Variants in AXDND1 observed in about 807,000 individuals in gnomAD.
AXDND1 encodes the protein axonemal dynein light chain domain-containing protein 1.
Under a neutral mutation model 137.5 loss-of-function variants are expected in AXDND1, and 110 were observed. That is an observed-to-expected ratio of 0.80 (90% CI 0.69 to 0.94). The LOEUF (loss-of-function observed/expected upper bound fraction) is 0.94. AXDND1 is among the 40% of genes least tolerant of loss of function. The pLI is 0.00. For synonymous variants in AXDND1, 414 were observed against 399.7 expected, an observed-to-expected ratio of 1.04 and a Z score of -0.43; for missense variants, 1,191 against 1,169.8, an observed-to-expected ratio of 1.02 and a Z score of -0.26.
At chr1:179,408,629 G>A (rs72717580) in intron 11 of AXDND1, among the ~76,000 whole-genome samples, 6,946 of 152,072 alleles carry the variant, frequency 0.046, 233 homozygotes, top group Non-Finnish European at 0.069. Flanking sequence ...ATCCCACCTC[G>A]GCCTCCCAAA....
intron 18 of AXDND1, among the ~76,000 whole-genome samples, chr1:179,486,197 A>G (rs890113003): frequency 2.6e-5 from 4 of 151,772 alleles, no homozygotes; most frequent in Non-Finnish European, 5.9e-5. Context: ...TGCAAGTATT[A>G]ACAGCAGAAT....
rs149119239 is a variant in AXDND1 at position 179,486,139 on chromosome 1, A to AAAAAAAAAAAAAAAAAAAAAAAAACT, written c.2091+2920_2091+2921insAAAAAAAAAAAAAAAAAAAAAACTAA. 1.6e-3 allele frequency among the ~76,000 whole-genome samples: 143 copies of AAAAAAAAAAAAAAAAAAAAAAAAACT among 87,722 alleles called. 15 individuals are homozygous for AAAAAAAAAAAAAAAAAAAAAAAAACT. The highest frequency in any genetic ancestry group is 4.7e-3 in the East Asian group (8 of 1,704). 57.5% of individuals were successfully genotyped at this position (87,722 alleles called of 152,430 possible). ...TGTCTCAAAAAAAAAAAAAAAAAAA[A>AAAAAAAAAAAAAAAAAAAAAAAAACT]AACCTGATAGAAATGAAAAACACAC... On this transcript the variant is annotated intron_variant, in intron 18 of 25. Transcript: ENST00000367618.
chr1:179,531,665 C>G (rs1016311322), intron 23 of AXDND1, among the ~76,000 whole-genome samples: 2 of 152,042 alleles, frequency 1.3e-5, no homozygotes, highest in Non-Finnish European at 2.9e-5. Context: ...ATAGGAGCAC[C>G]CAGTCCAACT....
chr1:179,470,227 T>G (rs1159298405), intron 17 of AXDND1, among the ~76,000 whole-genome samples: 1 of 152,192 alleles, frequency 6.6e-6, no homozygotes, highest in Non-Finnish European at 1.5e-5. Context: ...GTAGAATGTT[T>G]TGAAAAGGAA....
At position 179,516,364 on chromosome 1, in the gene AXDND1, A is replaced by G. The variant is rs143321135; in HGVS notation, c.2496+6961A>G. ...TATTTCTCCCTTTCCTTCTTGTATC[A>G]TTTTTTTGGATTTCCTTGCATTGGG... On this transcript the variant is annotated intron_variant, in intron 21 of 25. Transcript: ENST00000367618. Among the ~76,000 whole-genome samples the G allele has an allele frequency of 8.7e-3, 1,318 of 151,644 alleles. 40 individuals are homozygous for G. The highest frequency in any genetic ancestry group is 0.056 in the Admixed American group (850 of 15,220).
At chr1:179,539,489 C>A (rs988383305) in intron 25 of AXDND1, among the ~76,000 whole-genome samples, 4 of 152,184 alleles carry the variant, frequency 2.6e-5, no homozygotes, top group Admixed American at 6.5e-5. Context: ...GTTGAAAATT[C>A]TTTTCTTTAA....
At chr1:179,507,920 T>C (rs560109820) in intron 20 of AXDND1, among the ~76,000 whole-genome samples, 1 of 152,352 alleles carries the variant, frequency 6.6e-6, no homozygotes, top group Non-Finnish European at 1.5e-5. Flanking sequence ...TCTAACCCTC[T>C]GAATCCAGAA....
chr1:179,505,105 A>T (rs1457563151), intron 20 of AXDND1, among the ~76,000 whole-genome samples: 1 of 134,630 alleles, frequency 7.4e-6, no homozygotes, highest in Non-Finnish European at 1.7e-5. Context: ...CCTCTATGGT[A>T]CATGAATCTT....
intron 17 of AXDND1, among the ~76,000 whole-genome samples, chr1:179,482,721 G>T (rs897234661): frequency 6.6e-6 from 1 of 151,900 alleles, no homozygotes; most frequent in African/African-American, 2.4e-5. Flanking sequence ...ATTGTTACCA[G>T]TTTCGGGGGT....
At chr1:179,518,765 G>C (rs868236540) in intron 21 of AXDND1, among the ~76,000 whole-genome samples, 48 of 151,958 alleles carry the variant, frequency 3.2e-4, no homozygotes, top group African/African-American at 1.0e-3. Context: ...TATATGTACT[G>C]CATTTTCTTT....
chr1:179,385,409 G>C (rs755153551), intron 9 of AXDND1, 50 bp downstream of exon 9: 3 of 1,604,978 alleles, frequency 1.9e-6, no homozygotes, highest in Non-Finnish European at 1.7e-6. Flanking sequence ...TTTTATATTA[G>C]ATTTGTCTTT....
At position 179,370,142 on chromosome 1, in the gene AXDND1, T is replaced by G. The variant is rs1213022265; in HGVS notation, c.374+64T>G. 12 of 1,310,618 alleles carry G rather than the reference T, an allele frequency of 9.2e-6. 1 individual carries two copies. In the Admixed American group the frequency reaches 1.2e-4, roughly 13 times the overall value. 81.2% of individuals were successfully genotyped at this position (1,310,618 alleles called of 1,614,324 possible). A position where few individuals can be genotyped will look rare whatever the true frequency, so the allele number is the denominator to read the frequency against. On this transcript the variant is annotated intron_variant, in intron 4 of 25. Coordinates refer to ENST00000367618, the MANE Select transcript of AXDND1 (RefSeq NM_144696.6). The stretch of plus-strand genomic sequence containing the variant: ...GAGTTGTTTTCTCATTTTGAATGAT[T>G]ACCTTGGGAGGGGCAGAATTAGAAA...
At chr1:179,515,544 C>T (rs1240420418) in intron 21 of AXDND1, among the ~76,000 whole-genome samples, 1 of 152,048 alleles carries the variant, frequency 6.6e-6, no homozygotes, top group Non-Finnish European at 1.5e-5. Flanking sequence ...CTGATGACAA[C>T]GTGCCTAGGT....
chr1:179,552,930 G>A (rs1673535201), intron 25 of AXDND1, among the ~76,000 whole-genome samples: 1 of 152,216 alleles, frequency 6.6e-6, no homozygotes, highest in Non-Finnish European at 1.5e-5. Context: ...CAGCACAGCA[G>A]GTTTTGTATT....
At chr1:179,469,837 T>C (rs879540478) in intron 17 of AXDND1, among the ~76,000 whole-genome samples, 3 of 152,198 alleles carry the variant, frequency 2.0e-5, no homozygotes, top group Non-Finnish European at 4.4e-5. Context: ...TTGAGGGAAA[T>C]TTTTTCTGTG....
At chr1:179,441,251 T>A (rs1232595721) in intron 15 of AXDND1, among the ~76,000 whole-genome samples, 1 of 152,120 alleles carries the variant, frequency 6.6e-6, no homozygotes, top group African/African-American at 2.4e-5. Flanking sequence ...TTCCGTTGGG[T>A]GGGGCACAGC....
At chr1:179,480,038 A>G (rs6670182) in intron 17 of AXDND1, among the ~76,000 whole-genome samples, 69,388 of 151,942 alleles carry the variant, frequency 0.46, 16,727 homozygotes, top group East Asian at 0.76. Context: ...GAAGTTCTAA[A>G]TTGTTCCACA....
intron 4 of AXDND1, among the ~76,000 whole-genome samples, chr1:179,376,215 C>T (rs1235501999): frequency 1.3e-5 from 2 of 152,168 alleles, no homozygotes; most frequent in African/African-American, 4.8e-5. Flanking sequence ...CTTCATACTT[C>T]AACTGTATAT....
At chr1:179,417,484 C>T (rs567510855) in intron 12 of AXDND1, among the ~76,000 whole-genome samples, 1 of 152,178 alleles carries the variant, frequency 6.6e-6, no homozygotes, top group Admixed American at 6.5e-5. Context: ...AGTTTCAGGT[C>T]TTAGAATTAA....
Sources: gnomAD v4.1 joint callset for allele counts (sites outside exome capture counted in the v4.1 genomes callset) on GRCh38, gnomAD v4.1.1 for gene constraint, MANE v1.5 for transcripts, NCBI Gene and HGNC (gene_info 2026-07-23, HGNC 2026-07-21) for gene names.